EXO1: variants seen among roughly 807,000 people sequenced by gnomAD.
EXO1 encodes exonuclease 1.
A neutral mutation model predicts 84.5 loss-of-function variants in EXO1; 69 were observed. The observed-to-expected ratio is 0.82, with a 90% CI of 0.67 to 1.00. EXO1 has a LOEUF of 1.00. Among genes scored for constraint, EXO1 ranks in the 50% least tolerant of loss-of-function variants. EXO1 has a pLI of 0.00. For missense variants in EXO1, 1,045 were observed against 1,000.7 expected, an observed-to-expected ratio of 1.04 and a Z score of -0.60; for synonymous variants, 373 against 366.1, an observed-to-expected ratio of 1.02 and a Z score of -0.21.
chr1:241,871,957 T>A, intron 11 of EXO1, 75 bp from the exon 12 acceptor site: 1 of 1,060,854 alleles, frequency 9.4e-7, no homozygotes, highest in Non-Finnish European at 1.4e-6. Flanking sequence ...GACAATGGGA[T>A]ATAAACTGAA....
At chr1:241,852,173 C>A in intron 4 of EXO1, 119 bp from the exon 5 acceptor site, 1 of 909,106 alleles carries the variant, frequency 1.1e-6, no homozygotes, top group Non-Finnish European at 1.7e-6. Flanking sequence ...AAAACATCTG[C>A]TTAAAATAAC....
At chr1:241,870,264 T>C (rs367620367) in intron 11 of EXO1, among the ~76,000 whole-genome samples, 317 of 152,348 alleles carry the variant, frequency 2.1e-3, no homozygotes, top group African/African-American at 7.4e-3. Flanking sequence ...CCCCTTTCTA[T>C]ACACACAAAC....
chr1:241,887,510 G>T (rs1663132898), intron 15 of EXO1, among the ~76,000 whole-genome samples: 2 of 152,194 alleles, frequency 1.3e-5, no homozygotes, highest in Non-Finnish European at 2.9e-5. Flanking sequence ...GAAAACTGTT[G>T]TGTGGCAGAT....
At chr1:241,864,770 A>T (rs1310061559) in intron 10 of EXO1, among the ~76,000 whole-genome samples, 1 of 152,028 alleles carries the variant, frequency 6.6e-6, no homozygotes, top group Non-Finnish European at 1.5e-5. Context: ...TTTGCAGGTT[A>T]ATTTTGTGTT....
rs2148558509 is a variant in EXO1 at position 241,889,464 on chromosome 1, G to T, written c.2406-1G>T. The T allele has an allele frequency of 6.2e-7, 1 of 1,612,844 alleles. No individual in the cohort carries two copies. The highest frequency in any genetic ancestry group is 8.5e-7 in the Non-Finnish European group (1 of 1,178,852). ...CAAATGTATTTTATTGTATTTTGCAGAGATTCTGAAAAGCTTCCTCCTTGT... is the reference window on the plus strand; with the variant it reads ...CAAATGTATTTTATTGTATTTTGCATAGATTCTGAAAAGCTTCCTCCTTGT... On this transcript the variant is annotated splice_acceptor_variant, in intron 15 of 15. Coordinates refer to ENST00000366548, the MANE Select transcript of EXO1 (RefSeq NM_130398.4). LOFTEE classifies it high-confidence loss of function.
chr1:241,888,808 C>CTCA (rs1314527861), intron 15 of EXO1, among the ~76,000 whole-genome samples: 1 of 152,172 alleles, frequency 6.6e-6, no homozygotes, highest in African/African-American at 2.4e-5. Context: ...GGCACAGTGG[C>CTCA]TCACGCCTGT....
At position 241,866,868 on chromosome 1, in the gene EXO1, A is replaced by G. The variant is rs35794652; in HGVS notation, c.1080A>G (p.Thr360=). 1.0e-4 allele frequency: 165 copies of G among 1,614,012 alleles called. No individual in the cohort carries two copies. In the African/African-American group the frequency reaches 1.8e-3, roughly 18 times the overall value. Residue 360 remains threonine (T), a synonymous_variant, in exon 11 of 16, where the codon ACA becomes ACG. Transcript: ENST00000366548. ...HSRSHSWDDK[T]CQKSANVSSI... The stretch of plus-strand genomic sequence containing the variant: ...GAAGTCATAGTTGGGATGACAAAAC[A>G]TGTCAAAAGTCAGCTAATGTTAGCA...
chr1:241,855,066 C>G (rs770961040), intron 6 of EXO1, among the ~76,000 whole-genome samples: 19 of 152,144 alleles, frequency 1.2e-4, no homozygotes, highest in African/African-American at 3.9e-4. Context: ...TGAGCAGTAG[C>G]AAGATGTATT....
At chr1:241,855,572 G>C (rs569858773) in intron 6 of EXO1, among the ~76,000 whole-genome samples, 28 of 152,360 alleles carry the variant, frequency 1.8e-4, no homozygotes, top group African/African-American at 6.5e-4. Context: ...GTCCTGCGCC[G>C]TCTGCCCGCA....
In EXO1 at chr1:241,881,954, T is replaced by A. The variant is rs1662784593; in HGVS notation, c.2148T>A (p.Ser716Arg). The A allele has an allele frequency of 6.3e-7, 1 of 1,583,404 alleles. No homozygotes were observed. Among genetic ancestry groups the A allele is most frequent in the African/African-American group, 1.3e-5 (1 of 74,502 alleles). Residue 716 changes from serine (S) to arginine (R), a missense_variant, in exon 14 of 16, where the codon AGT becomes AGA. Coordinates refer to ENST00000366548, the MANE Select transcript of EXO1 (RefSeq NM_130398.4). ...ATATTAAGTTACTTGACAGTCAAAG[T>A]GACCAGACCTCCAAGCTACGTTTAT... ...DCNIKLLDSQSDQTSKLRLSH... is the reference protein window; with the variant it reads ...DCNIKLLDSQRDQTSKLRLSH...
intron 6 of EXO1, chr1:241,854,928 C>G (rs981498363): frequency 1.9e-5 from 3 of 154,082 alleles, no homozygotes; most frequent in African/African-American, 7.2e-5. Flanking sequence ...TGTTACAGCT[C>G]TTAAGGCAGC....
At chr1:241,886,629 A>G (rs1022741572) in intron 15 of EXO1, among the ~76,000 whole-genome samples, 1 of 152,220 alleles carries the variant, frequency 6.6e-6, no homozygotes, top group Non-Finnish European at 1.5e-5. Flanking sequence ...GGAATGCTTT[A>G]TACTCTTAGA....
At position 241,866,923 on chromosome 1, in the gene EXO1, C is replaced by T; in HGVS notation, c.1135C>T (p.Pro379Ser). ...TTGGCATAGGAATTACTCTCCCAGA[C>T]CAGAGTCGGGTACTGTTTCAGATGC... ...SIWHRNYSPR[P>S]ESGTVSDAPQ... Residue 379 changes from proline to serine, a missense_variant, in exon 11 of 16, where the codon CCA becomes TCA. By Grantham distance (74) the Pro-to-Ser change is moderately conservative (BLOSUM62 -1). Transcript: ENST00000366548. 1.2e-6 allele frequency: 2 copies of T among 1,613,944 alleles called. No individual in the cohort carries two copies. The highest frequency in any genetic ancestry group is 1.7e-6 in the Non-Finnish European group (2 of 1,179,846).
intron 4 of EXO1, among the ~76,000 whole-genome samples, chr1:241,851,451 G>C (rs60905640): frequency 6.6e-6 from 1 of 152,010 alleles, no homozygotes. Context: ...CTTTATTTTA[G>C]CTGCTAAGTT....
rs779065009 is a variant in EXO1 at position 241,858,592 on chromosome 1, C to T, written c.630C>T (p.Phe210=). The T allele has an allele frequency of 4.3e-6, 7 of 1,613,834 alleles. No individual in the cohort carries two copies. The highest frequency in any genetic ancestry group is 3.3e-5 in the Admixed American group (2 of 59,980). Residue 210 remains phenylalanine, a synonymous_variant, in exon 8 of 16, where the codon TTC becomes TTT. Transcript: ENST00000366548. ...TGTGCAGACAGCTTGGGGATGTATTCACGGAAGAGAAGTTTCGTTACATGT... is the reference window on the plus strand; with the variant it reads ...TGTGCAGACAGCTTGGGGATGTATTTACGGAAGAGAAGTTTCGTTACATGT... The part of the protein sequence containing the change: ...LGMCRQLGDV[F]TEEKFRYMCI...
intron 7 of EXO1, among the ~76,000 whole-genome samples, chr1:241,857,760 T>C (rs1018102237): frequency 6.6e-5 from 10 of 152,070 alleles, no homozygotes; most frequent in African/African-American, 2.4e-4. Flanking sequence ...CCCTTAAGGT[T>C]GGAGGGGTTT....
intron 15 of EXO1, 173 bp downstream of exon 15, chr1:241,885,680 A>C: frequency 4.7e-6 from 3 of 640,926 alleles, no homozygotes; most frequent in South Asian, 3.2e-5. Flanking sequence ...ATCAATTTCT[A>C]TACCTTCTTT....
chr1:241,854,941 G>A (rs1000552221), intron 6 of EXO1, among the ~76,000 whole-genome samples: 1 of 152,090 alleles, frequency 6.6e-6, no homozygotes, highest in African/African-American at 2.4e-5. Context: ...AAGGCAGCGC[G>A]TCTGGAGTTG....
intron 15 of EXO1, 128 bp from the exon 16 acceptor site, chr1:241,889,337 A>T: frequency 1.3e-6 from 1 of 799,340 alleles, no homozygotes; most frequent in Non-Finnish European, 2.1e-6. Flanking sequence ...TTATATAATG[A>T]ATTGAAAGAG....
Sources: gnomAD v4.1 joint callset for allele counts (sites outside exome capture counted in the v4.1 genomes callset) on GRCh38, gnomAD v4.1.1 for gene constraint, MANE v1.5 for transcripts, NCBI Gene and HGNC (gene_info 2026-07-23, HGNC 2026-07-21) for gene names.